Variants in ZNF469 observed in about 807,000 individuals in gnomAD.
The protein encoded by ZNF469 is zinc finger protein 469.
A neutral mutation model predicts 1.0 loss-of-function variants in ZNF469; 1 was observed. The observed-to-expected ratio is 1.00, with a 90% CI of 0.35 to 4.73. ZNF469 has a LOEUF of 4.73. Among genes scored for constraint, ZNF469 ranks in the 30% most tolerant of loss-of-function variants. ZNF469 has a pLI of 0.16. For synonymous variants in ZNF469, 2,703 were observed against 2,363.4 expected, an observed-to-expected ratio of 1.14 and a Z score of -4.17; for missense variants, 6,100 against 5,356.3, an observed-to-expected ratio of 1.14 and a Z score of -4.33.
At chr16:88,404,840 C>T (rs1532631) in intron 1 of ZNF469, among the ~76,000 whole-genome samples, 80,881 of 152,054 alleles carry the variant, frequency 0.53, 21,878 homozygotes, top group African/African-American at 0.6. Context: ...CTGGGTCACC[C>T]GTGAATCCCC....
rs1331198373 is a variant in ZNF469, at chr16:88,428,881, G to C, written c.1411G>C (p.Gly471Arg). ...SMFFNGQPSPGQRLCLPQSAP... is the reference protein window; with the variant it reads ...SMFFNGQPSPRQRLCLPQSAP... ...GTTCTTTAACGGCCAGCCCAGCCCA[G>C]GCCAGCGGCTCTGCCTCCCCCAGAG... The change falls in exon 3 of 3, where the codon GGC (glycine) becomes CGC (arginine). Residue 471 changes from glycine to arginine, a missense_variant. Physicochemically the swap from Gly to Arg is moderately radical, Grantham distance 125. Coordinates refer to ENST00000565624, the MANE Select transcript of ZNF469 (RefSeq NM_001367624.2). 6.5e-7 allele frequency: 1 copy of C among 1,548,064 alleles called. No individual in the cohort carries two copies. The highest frequency in any genetic ancestry group is 1.4e-5 in the African/African-American group (1 of 72,972).
chr16:88,366,349 A>G, the ZNF469 span, among the ~76,000 whole-genome samples: 1 of 151,678 alleles, frequency 6.6e-6, no homozygotes, highest in Non-Finnish European at 1.5e-5. Flanking sequence ...CACCACCATC[A>G]TCATCACCAC....
At chr16:88,393,940 C>T (rs1904567825) in intron 1 of ZNF469, among the ~76,000 whole-genome samples, 1 of 152,244 alleles carries the variant, frequency 6.6e-6, no homozygotes. Context: ...GCTCATGCTA[C>T]ACCTCTGCTG....
the ZNF469 span, among the ~76,000 whole-genome samples, chr16:88,241,999 C>G: frequency 6.6e-6 from 1 of 152,158 alleles, no homozygotes; most frequent in African/African-American, 2.4e-5. The surrounding 1 kb of genome is among the most constrained non-coding windows in gnomAD (Gnocchi z 4.8). Context: ...GGGTTCATGC[C>G]GTACCCAGGG....
the ZNF469 span, among the ~76,000 whole-genome samples, chr16:88,130,311 C>G: frequency 6.6e-6 from 1 of 152,002 alleles, no homozygotes; most frequent in Non-Finnish European, 1.5e-5. Flanking sequence ...CGCAGACAGC[C>G]GGTATAGTCA....
rs982891894 is a variant in ZNF469, at chr16:88,383,113, C to A, written c.-333C>A. Among the ~76,000 whole-genome samples the A allele has an allele frequency of 2.1e-4, 31 of 149,428 alleles. No homozygotes were observed. Among genetic ancestry groups the A allele is most frequent in the Non-Finnish European group, 4.3e-4 (29 of 66,958 alleles). ...AGGCGCAGCGCGCGGCAGAGCGGCT[C>A]GGTGCCCGGCGGGCGGGCGGCCCGG... is the stretch of plus-strand genomic sequence containing the variant. On this transcript the variant is annotated 5_prime_UTR_variant, in exon 1 of 3. Coordinates refer to ENST00000565624, the MANE Select transcript of ZNF469 (RefSeq NM_001367624.2).
chr16:88,214,755 T>C, the ZNF469 span, among the ~76,000 whole-genome samples: 19 of 152,164 alleles, frequency 1.2e-4, no homozygotes, highest in Non-Finnish European at 2.5e-4. Context: ...CATGCGGTGT[T>C]TGGTTTTCTG....
At chr16:88,170,705 C>A in the ZNF469 span, among the ~76,000 whole-genome samples, 1 of 152,168 alleles carries the variant, frequency 6.6e-6, no homozygotes, top group Non-Finnish European at 1.5e-5. The surrounding 1 kb of genome is among the most constrained non-coding windows in gnomAD (Gnocchi z 4.2). Context: ...TGGGATGGTT[C>A]CTTTCTTGGC....
intron 2 of ZNF469, among the ~76,000 whole-genome samples, chr16:88,426,387 C>T (rs1031528610): frequency 3.9e-5 from 6 of 152,280 alleles, no homozygotes; most frequent in African/African-American, 1.4e-4. Context: ...GGCCCCCACA[C>T]GGAGCGGCCT....
In ZNF469 at chr16:88,438,682, C is replaced by T. The variant is rs1444294763; in HGVS notation, c.11212C>T (p.Pro3738Ser). The change falls in exon 3 of 3, where the codon CCT (proline) becomes TCT (serine). Residue 3738 changes from proline (P) to serine (S), a missense_variant. Pro to Ser is a moderately conservative substitution (Grantham distance 74). Coordinates refer to ENST00000565624, the MANE Select transcript of ZNF469 (RefSeq NM_001367624.2). Reference protein sequence around the residue: ...PGPSSQGSGSPRPGTKTGGGS... With the variant: ...PGPSSQGSGSSRPGTKTGGGS... ...CCCCAGCTCCCAGGGCAGTGGAAGC[C>T]CTCGCCCCGGCACCAAGACAGGAGG... The T allele has an allele frequency of 1.3e-6, 2 of 1,550,050 alleles. No homozygotes were observed. Among genetic ancestry groups the T allele is most frequent in the Non-Finnish European group, 1.7e-6 (2 of 1,146,848 alleles).
chr16:88,297,310 C>T, the ZNF469 span, among the ~76,000 whole-genome samples: 3 of 152,196 alleles, frequency 2.0e-5, no homozygotes, highest in African/African-American at 7.2e-5. Flanking sequence ...TTCCGTTGCT[C>T]AGCAGGGTCC....
chr16:88,130,343 G>A, the ZNF469 span, among the ~76,000 whole-genome samples: 1 of 152,074 alleles, frequency 6.6e-6, no homozygotes, highest in African/African-American at 2.4e-5. Context: ...ACGTGATATC[G>A]GCGTCCCTAG....
At chr16:88,182,504 G>C in the ZNF469 span, among the ~76,000 whole-genome samples, 3 of 151,884 alleles carry the variant, frequency 2.0e-5, no homozygotes, top group Admixed American at 6.6e-5. Context: ...TAATGCCACT[G>C]TAATCAAAAC....
intron 2 of ZNF469, among the ~76,000 whole-genome samples, chr16:88,427,021 G>C (rs921120922): frequency 2.6e-5 from 4 of 152,098 alleles, no homozygotes; most frequent in Non-Finnish European, 5.9e-5. Flanking sequence ...GCCGAGGACT[G>C]CTCTGAGCCT....
the ZNF469 span, among the ~76,000 whole-genome samples, chr16:88,120,444 C>T: frequency 2.6e-5 from 4 of 152,242 alleles, no homozygotes; most frequent in Admixed American, 6.5e-5. Context: ...TGGGAAACAG[C>T]GGAGATGGCG....
the ZNF469 span, among the ~76,000 whole-genome samples, chr16:88,196,781 G>C: frequency 6.6e-6 from 1 of 152,146 alleles, no homozygotes; most frequent in Non-Finnish European, 1.5e-5. Flanking sequence ...AGGCCACACA[G>C]CCAGGCCACA....
the ZNF469 span, among the ~76,000 whole-genome samples, chr16:88,251,095 C>A: frequency 3.3e-5 from 5 of 152,328 alleles, no homozygotes; most frequent in African/African-American, 1.2e-4. Flanking sequence ...CCAGGCTGGT[C>A]TCAAATTCCT....
the ZNF469 span, chr16:88,234,683 C>G: frequency 3.9e-5 from 6 of 152,270 alleles, no homozygotes; most frequent in African/African-American, 1.2e-4. Flanking sequence ...CAGAGTGTCT[C>G]CGATGGGGAG....
intron 1 of ZNF469, among the ~76,000 whole-genome samples, chr16:88,400,487 G>C (rs1178253782): frequency 6.6e-6 from 1 of 152,212 alleles, no homozygotes; most frequent in Non-Finnish European, 1.5e-5. Context: ...GAGCTGCTGT[G>C]GGTCTTGGAA....
Sources: allele counts gnomAD v4.1 joint callset (sites outside exome capture counted in the v4.1 genomes callset), GRCh38; gene constraint gnomAD v4.1.1; non-coding constraint Gnocchi (gnomAD v3.1); transcripts MANE v1.5; gene names NCBI Gene and HGNC (gene_info 2026-07-23, HGNC 2026-07-21).